Variants in DRC11 observed in about 807,000 individuals in gnomAD.
DRC11 encodes IQ and AAA domain-containing protein 1.
chr2:236,421,036 T>G, the DRC11 span, among the ~76,000 whole-genome samples: 1 of 152,218 alleles, frequency 6.6e-6, no homozygotes, highest in Admixed American at 6.5e-5. Flanking sequence ...TCTTTGTTCT[T>G]GTTGGTTGCA....
the DRC11 span, among the ~76,000 whole-genome samples, chr2:236,347,997 C>T: frequency 7.9e-5 from 12 of 152,164 alleles, no homozygotes; most frequent in African/African-American, 2.2e-4. Context: ...CCAAGCCGGG[C>T]GCTTTGCCCC....
At chr2:236,435,721 A>C in the DRC11 span, among the ~76,000 whole-genome samples, 3 of 152,182 alleles carry the variant, frequency 2.0e-5, no homozygotes, top group Non-Finnish European at 4.4e-5. Context: ...CTCTCCCTTG[A>C]CATGTGGGGA....
At chr2:236,471,561 T>C in the DRC11 span, among the ~76,000 whole-genome samples, 6 of 152,242 alleles carry the variant, frequency 3.9e-5, no homozygotes, top group Non-Finnish European at 8.8e-5. This position sits in a 1 kb window ranked among gnomAD's most constrained non-coding sequence, Gnocchi z 4.6. Flanking sequence ...TTATAAGCTA[T>C]TTAAAAAATT....
At chr2:236,317,521 A>G in the DRC11 span, among the ~76,000 whole-genome samples, 11 of 152,176 alleles carry the variant, frequency 7.2e-5, no homozygotes, top group Admixed American at 6.5e-5. This position sits in a 1 kb window ranked among gnomAD's most constrained non-coding sequence, Gnocchi z 5.4. Flanking sequence ...AAAGTAACCT[A>G]GGATGCTGGA....
chr2:236,465,520 C>G, the DRC11 span: 4 of 1,613,662 alleles, frequency 2.5e-6, no homozygotes, highest in Non-Finnish European at 3.4e-6. The surrounding 1 kb of genome is among the most constrained non-coding windows in gnomAD (Gnocchi z 6.2). Flanking sequence ...TTCGATGAAC[C>G]AATGCCGGAT....
chr2:236,401,275 T>C, the DRC11 span, among the ~76,000 whole-genome samples: 1 of 152,172 alleles, frequency 6.6e-6, no homozygotes, highest in African/African-American at 2.4e-5. This position sits in a 1 kb window ranked among gnomAD's most constrained non-coding sequence, Gnocchi z 4.6. Context: ...CCTGCTGTCC[T>C]GTCCGCTTGG....
At chr2:236,307,332 A>G in the DRC11 span, among the ~76,000 whole-genome samples, 1 of 152,178 alleles carries the variant, frequency 6.6e-6, no homozygotes, top group Non-Finnish European at 1.5e-5. This position sits in a 1 kb window ranked among gnomAD's most constrained non-coding sequence, Gnocchi z 7.0. Flanking sequence ...GCCCGCGGGA[A>G]GGGGAGCCTG....
the DRC11 span, among the ~76,000 whole-genome samples, chr2:236,495,542 T>C: frequency 4.4e-3 from 668 of 152,254 alleles, 7 homozygotes; most frequent in African/African-American, 0.015. This position sits in a 1 kb window ranked among gnomAD's most constrained non-coding sequence, Gnocchi z 5.6. Flanking sequence ...TTCCCCACCA[T>C]ATATGTCTCT....
the DRC11 span, chr2:236,441,080 CCTT>C: frequency 1.3e-6 from 2 of 1,562,248 alleles, no homozygotes; most frequent in Non-Finnish European, 1.7e-6. Context: ...AGCTGACCCT[CCTT>C]CTTCAACGTC....
At chr2:236,389,282 G>A in the DRC11 span, among the ~76,000 whole-genome samples, 2 of 152,202 alleles carry the variant, frequency 1.3e-5, no homozygotes, top group African/African-American at 4.8e-5. Flanking sequence ...CTTGCAGTTT[G>A]ATCTCAGACT....
chr2:236,492,800 G>T, the DRC11 span, among the ~76,000 whole-genome samples: 1 of 152,228 alleles, frequency 6.6e-6, no homozygotes, highest in Admixed American at 6.5e-5. Context: ...GAATCCAGGA[G>T]GTGGTCATGA....
At chr2:236,357,609 A>C in the DRC11 span, among the ~76,000 whole-genome samples, 2 of 124,556 alleles carry the variant, frequency 1.6e-5, no homozygotes, top group East Asian at 2.3e-4. Context: ...GTAAATATAT[A>C]TTTATAAATA....
chr2:236,454,124 GGGTATGCT>G, the DRC11 span, among the ~76,000 whole-genome samples: 1 of 152,170 alleles, frequency 6.6e-6, no homozygotes, highest in Non-Finnish European at 1.5e-5. This position sits in a 1 kb window ranked among gnomAD's most constrained non-coding sequence, Gnocchi z 5.3. Context: ...GCACAATAGA[GGGTATGCT>G]GGACCCAAGG....
At chr2:236,372,069 G>A in the DRC11 span, among the ~76,000 whole-genome samples, 3 of 152,144 alleles carry the variant, frequency 2.0e-5, no homozygotes, top group South Asian at 2.1e-4. This position sits in a 1 kb window ranked among gnomAD's most constrained non-coding sequence, Gnocchi z 4.5. Flanking sequence ...CCCTTTTCCC[G>A]TTTGCCCTGA....
the DRC11 span, chr2:236,487,986 C>G: frequency 6.5e-7 from 1 of 1,538,674 alleles, no homozygotes; most frequent in Non-Finnish European, 8.7e-7. Context: ...ACTCCAGGAG[C>G]CCTAGGTTTG....
At chr2:236,441,102 C>G in the DRC11 span, 2 of 1,559,792 alleles carry the variant, frequency 1.3e-6, no homozygotes, top group South Asian at 2.4e-5. Context: ...TCAGGGTAGT[C>G]AGGAAATGTC....
the DRC11 span, chr2:236,399,336 C>A: frequency 8.8e-7 from 1 of 1,130,012 alleles, no homozygotes; most frequent in Non-Finnish European, 1.3e-6. The surrounding 1 kb of genome is among the most constrained non-coding windows in gnomAD (Gnocchi z 7.0). Flanking sequence ...TTGTGAGTGG[C>A]ATACAGCAGC....
the DRC11 span, chr2:236,338,264 A>C: frequency 6.2e-7 from 1 of 1,614,044 alleles, no homozygotes; most frequent in Non-Finnish European, 8.5e-7. Flanking sequence ...AACTTTGCAG[A>C]AAGATTGGAG....
At chr2:236,414,401 AG>A in the DRC11 span, among the ~76,000 whole-genome samples, 1 of 152,228 alleles carries the variant, frequency 6.6e-6, no homozygotes, top group African/African-American at 2.4e-5. Flanking sequence ...TACTTGTGTA[AG>A]GTGTGAAGTT....
Sources: gnomAD v4.1 joint callset for allele counts (sites outside exome capture counted in the v4.1 genomes callset) on GRCh38, gnomAD v4.1.1 for gene constraint, Gnocchi (gnomAD v3.1) non-coding constraint, MANE v1.5 for transcripts, NCBI Gene and HGNC (gene_info 2026-07-23, HGNC 2026-07-21) for gene names.